The following RUVBL1 variants were observed in gnomAD, a reference collection of about 807,000 sequenced individuals.
RUVBL1 encodes the protein RuvB like AAA ATPase 1, also known as ruvB-like 1.
In RUVBL1, 4 loss-of-function variants were observed where a neutral mutation model predicts 52.4. The observed-to-expected ratio is 0.08, with a 90% CI of 0.04 to 0.17. RUVBL1 has a LOEUF of 0.17. Ranked by LOEUF, RUVBL1 falls within the 10% of genes least tolerant of loss-of-function variation. RUVBL1 has a pLI of 1.00. For synonymous variants in RUVBL1, 217 were observed against 214.4 expected (o/e 1.01, Z -0.10); for missense variants, 298 against 572.8 (o/e 0.52, Z 4.90).
In RUVBL1 at chr3:128,082,345, G is replaced by A. The variant is rs1368849634; in HGVS notation, c.1211+138C>T. 2 of 652,786 alleles carry A rather than the reference G, an allele frequency of 3.1e-6. No homozygotes were observed. Among genetic ancestry groups the A allele is most frequent in the African/African-American group, 1.8e-5 (1 of 55,046 alleles). 40.4% of individuals were successfully genotyped at this position (652,786 alleles called of 1,614,324 possible). A position where few individuals can be genotyped will look rare whatever the true frequency, so the allele number is the denominator to read the frequency against. On this transcript the variant is annotated intron_variant, in intron 10 of 10. Coordinates refer to ENST00000322623, the MANE Select transcript of RUVBL1 (RefSeq NM_003707.3). The surrounding 1 kb of genome is among the most constrained non-coding windows in gnomAD (Gnocchi z 4.7). ...CTGCATTTGAAACTCAAGTGCCCTGGCACCCATCGCGCCAGGAAGAGCGGA... is the reference window on the plus strand; with the variant it reads ...CTGCATTTGAAACTCAAGTGCCCTGACACCCATCGCGCCAGGAAGAGCGGA...
upstream of RUVBL1, chr3:128,123,917 G>A (rs1559830527): frequency 6.4e-6 from 8 of 1,245,722 alleles, no homozygotes; most frequent in Non-Finnish European, 8.1e-6. Context: ...GCTGCTGCTA[G>A]AGCTCCGGTC....
Position 128,069,619 on chromosome 3 carries a change from A to C in RUVBL1, c.940-4399T>G. ...TACCAGTACTTTGAGATCTTCGTTA[A>C]GGAGCAAAGCGAGGTTGGCAGCATG... On this transcript the variant is annotated intron_variant, in intron 9 of 9. Coordinates refer to the RUVBL1 transcript ENST00000464873. The C allele has an allele frequency of 6.2e-7, 1 of 1,614,190 alleles. No individual in the cohort carries two copies. The highest frequency in any genetic ancestry group is 8.5e-7 in the Non-Finnish European group (1 of 1,180,030).
intron 7 of RUVBL1, among the ~76,000 whole-genome samples, chr3:128,097,861 G>T (rs1018904353): frequency 6.6e-6 from 1 of 152,174 alleles, no homozygotes; most frequent in Non-Finnish European, 1.5e-5. Flanking sequence ...TGTCTGATCT[G>T]GGAGACATTG....
upstream of RUVBL1, chr3:128,123,980 T>C (rs1943724215): frequency 1.1e-6 from 1 of 921,774 alleles, no homozygotes; most frequent in African/African-American, 1.8e-5. Flanking sequence ...CGGCGCTTCC[T>C]GCCGAGGCTG....
At chr3:128,092,651 G>C (rs555464864) in intron 8 of RUVBL1, among the ~76,000 whole-genome samples, 3 of 152,134 alleles carry the variant, frequency 2.0e-5, no homozygotes, top group African/African-American at 7.2e-5. Flanking sequence ...ACCACAATGA[G>C]ATATTACTTC....
intron 9 of RUVBL1, among the ~76,000 whole-genome samples, chr3:128,065,732 ATTTTTT>A (rs758640768): frequency 2.1e-5 from 2 of 97,528 alleles, no homozygotes; most frequent in Admixed American, 2.6e-4. Flanking sequence ...ATCATTAAGA[ATTTTTT>A]TTTTTTTTTT....
intron 8 of RUVBL1, among the ~76,000 whole-genome samples, chr3:128,096,540 G>A (rs1371807448): frequency 6.6e-6 from 1 of 152,216 alleles, no homozygotes; most frequent in Non-Finnish European, 1.5e-5. Context: ...GAAAGAAAAT[G>A]CTGGGGCCGG....
chr3:128,077,758 G>C (rs906997379), downstream of RUVBL1, among the ~76,000 whole-genome samples: 32 of 152,356 alleles, frequency 2.1e-4, no homozygotes, highest in African/African-American at 7.2e-4. Context: ...GGGATCCTAA[G>C]GGTCCTTCCA....
chr3:128,123,803 G>A lies in RUVBL1; in HGVS notation c.-79C>T, dbSNP rs1943720509. 14 of 1,483,306 alleles carry A rather than the reference G, an allele frequency of 9.4e-6. No homozygotes were observed. Among genetic ancestry groups the A allele is most frequent in the South Asian group, 1.3e-5 (1 of 76,630 alleles). The allele number at this position is 1,483,306 out of a possible 1,614,324, so 91.9% of individuals were successfully genotyped here. On this transcript the variant is annotated 5_prime_UTR_variant, in exon 1 of 11. Coordinates refer to ENST00000322623, the MANE Select transcript of RUVBL1 (RefSeq NM_003707.3). ...GCGCCCGGCGCCTGAGTTACCATGCGGCCGTTACTAGGGCAATTTGCAAAG... is the reference window on the plus strand; with the variant it reads ...GCGCCCGGCGCCTGAGTTACCATGCAGCCGTTACTAGGGCAATTTGCAAAG...
intron 1 of RUVBL1, among the ~76,000 whole-genome samples, chr3:128,142,518 A>G (rs945478774): frequency 1.1e-4 from 17 of 152,204 alleles, no homozygotes; most frequent in African/African-American, 3.9e-4. Flanking sequence ...CTGCCATAAC[A>G]TATTTAGTGG....
chr3:128,136,444 G>T (rs1376431118), intron 1 of RUVBL1, among the ~76,000 whole-genome samples: 3 of 151,978 alleles, frequency 2.0e-5, no homozygotes, highest in African/African-American at 7.3e-5. Flanking sequence ...TGCGCAACAT[G>T]GTGAAACCCC....
intron 1 of RUVBL1, among the ~76,000 whole-genome samples, chr3:128,129,834 C>A (rs1258494965): frequency 6.6e-6 from 1 of 152,052 alleles, no homozygotes; most frequent in Non-Finnish European, 1.5e-5. Context: ...ACAAAAAGTA[C>A]AATGGTGGTT....
At chr3:128,150,789 T>G (rs1272332575) in intron 1 of RUVBL1, among the ~76,000 whole-genome samples, 4 of 83,234 alleles carry the variant, frequency 4.8e-5, no homozygotes, top group South Asian at 3.7e-4. Context: ...TCTATATATA[T>G]TCTATATATT....
chr3:128,123,718 T>C lies in RUVBL1; in HGVS notation c.7A>G (p.Ile3Val). The C allele has an allele frequency of 6.2e-7, 1 of 1,600,494 alleles. No homozygotes were observed. MK[I>V]EEVKSTTKTQ... Reference sequence around the variant, plus strand: ...TTCGTAGTGCTCTTCACCTCCTCAATCTTCATTTTGCAGACGCCGGGAGCT... The same window carrying C: ...TTCGTAGTGCTCTTCACCTCCTCAACCTTCATTTTGCAGACGCCGGGAGCT... The change falls in exon 1 of 11, where the codon ATT becomes GTT. Residue 3 changes from isoleucine (I) to valine (V), a missense_variant. Transcript: ENST00000322623.
chr3:128,073,481 G>T (rs1043357684), intron 9 of RUVBL1, among the ~76,000 whole-genome samples: 1 of 152,168 alleles, frequency 6.6e-6, no homozygotes, highest in African/African-American at 2.4e-5. Flanking sequence ...CCTGATGAGG[G>T]CCAGGGGATG....
chr3:128,116,398 A>G (rs1228290863), intron 2 of RUVBL1, among the ~76,000 whole-genome samples: 1 of 150,980 alleles, frequency 6.6e-6, no homozygotes, highest in African/African-American at 2.4e-5. Context: ...AAAATTAGCC[A>G]GGCACCTGTA....
Position 128,067,403 on chromosome 3 carries a change from T to C in RUVBL1, c.940-2183A>G, listed in dbSNP as rs1576425808. ...AAATGAAGGAGCACTCACATGCGTT[T>C]GGTTTCTTCTTCCCCAGGACACGTC... On this transcript the variant is annotated intron_variant, in intron 9 of 9. Transcript: ENST00000464873. The surrounding 1 kb of genome is among the most constrained non-coding windows in gnomAD (Gnocchi z 4.1). The C allele has an allele frequency of 1.9e-6, 3 of 1,602,724 alleles. No individual in the cohort carries two copies. Among genetic ancestry groups the C allele is most frequent in the Middle Eastern group, 3.6e-4 (2 of 5,518 alleles).
chr3:128,078,990 G>T (rs375050686), downstream of RUVBL1: 1 of 152,294 alleles, frequency 6.6e-6, no homozygotes, highest in East Asian at 1.9e-4. Context: ...GGAACCAGGG[G>T]TCTGTGGCCT....
At chr3:128,116,221 T>A (rs1943519153) in intron 2 of RUVBL1, among the ~76,000 whole-genome samples, 1 of 149,728 alleles carries the variant, frequency 6.7e-6, no homozygotes. Flanking sequence ...GGGCCACACA[T>A]GAGTAAAAAA....
Sources: allele counts gnomAD v4.1 joint callset (sites outside exome capture counted in the v4.1 genomes callset), GRCh38; gene constraint gnomAD v4.1.1; non-coding constraint Gnocchi (gnomAD v3.1); transcripts MANE v1.5; gene names NCBI Gene and HGNC (gene_info 2026-07-23, HGNC 2026-07-21).